DNAH3: variants seen among roughly 807,000 people sequenced by gnomAD.
DNAH3 encodes the protein dynein axonemal heavy chain 3.
A neutral mutation model predicts 432.5 loss-of-function variants in DNAH3; 332 were observed. That is an observed-to-expected ratio of 0.77 (90% confidence interval 0.70 to 0.84). The LOEUF is 0.84. Among genes scored for constraint, DNAH3 ranks in the 40% least tolerant of loss-of-function variants. The pLI, the probability that DNAH3 is intolerant of heterozygous loss-of-function variation, is 0.00. For missense variants in DNAH3, 4,861 were observed against 5,114.0 expected (o/e 0.95, Z 1.51); for synonymous variants, 1,956 against 1,900.2 (o/e 1.03, Z -0.76).
chr16:21,130,367 C>T (rs1454640469), intron 7 of DNAH3, among the ~76,000 whole-genome samples: 3 of 149,246 alleles, frequency 2.0e-5, no homozygotes, highest in Non-Finnish European at 3.0e-5. Flanking sequence ...AGTGCAGTGG[C>T]GATCTTGGCT....
At chr16:20,954,856 G>A (rs1238027263) in exon 55 of DNAH3, 1 of 1,614,136 alleles carries the variant, frequency 6.2e-7, no homozygotes, top group Admixed American at 1.7e-5. Flanking sequence ...CGGCGTGGAA[G>A]AAACAAAGGC....
chr16:21,008,259 T>C (rs1248025203), intron 41 of DNAH3, among the ~76,000 whole-genome samples: 1 of 152,174 alleles, frequency 6.6e-6, no homozygotes, highest in Admixed American at 6.5e-5. Flanking sequence ...TCTGATATAA[T>C]TGGGTAAATT....
intron 18 of DNAH3, 127 bp from the exon 19 acceptor site, chr16:21,087,187 G>A (rs2091406398): frequency 1.3e-6 from 1 of 776,684 alleles, no homozygotes. Context: ...AGGCTTTGAG[G>A]ATCTGAAACC....
chr16:20,948,749 T>G (rs1461967205), intron 56 of DNAH3, 112 bp from the exon 57 acceptor site: 2 of 1,191,258 alleles, frequency 1.7e-6, no homozygotes, highest in Non-Finnish European at 2.4e-6. Context: ...TGGGACATAG[T>G]GATAGGGACA....
chr16:21,098,686 T>A, exon 17 of DNAH3: 1 of 1,613,992 alleles, frequency 6.2e-7, no homozygotes, highest in Non-Finnish European at 8.5e-7. Context: ...GTGCTTCATT[T>A]CTTCTGTAGT....
intron 36 of DNAH3, among the ~76,000 whole-genome samples, chr16:21,033,278 G>A (rs1360640010): frequency 6.6e-6 from 1 of 152,152 alleles, no homozygotes; most frequent in African/African-American, 2.4e-5. Flanking sequence ...TGCACGAAAA[G>A]GAAATGCTTT....
At chr16:20,979,188 T>C in intron 50 of DNAH3, 142 bp downstream of exon 50, 1 of 681,568 alleles carries the variant, frequency 1.5e-6, no homozygotes. Context: ...ATTACAGTGA[T>C]GTAGGTAAGG....
chr16:21,045,747 G>A (rs2089665608), intron 31 of DNAH3, among the ~76,000 whole-genome samples: 1 of 151,566 alleles, frequency 6.6e-6, no homozygotes, highest in Non-Finnish European at 1.5e-5. Context: ...TGCTTTTCTA[G>A]TTCTTTTAAT....
At chr16:21,034,268 T>C (rs112551968) in intron 35 of DNAH3, among the ~76,000 whole-genome samples, 183 bp from the exon 36 acceptor site, 19 of 152,318 alleles carry the variant, frequency 1.2e-4, no homozygotes, top group African/African-American at 3.8e-4. Context: ...AAAAAATATA[T>C]GTGTGTGTCT....
chr16:21,147,632 GA>G (rs2092802186), intron 1 of DNAH3, among the ~76,000 whole-genome samples: 1 of 152,174 alleles, frequency 6.6e-6, no homozygotes, highest in Admixed American at 6.6e-5. Context: ...CCTGCGAAAA[GA>G]AAAAGTGTTA....
chr16:20,953,550 G>C (rs2084415210), intron 55 of DNAH3, among the ~76,000 whole-genome samples: 1 of 151,176 alleles, frequency 6.6e-6, no homozygotes, highest in South Asian at 2.1e-4. Flanking sequence ...AGCATGACTG[G>C]CAGTTAGTTG....
intron 21 of DNAH3, among the ~76,000 whole-genome samples, chr16:21,072,078 G>A (rs540165340): frequency 1.3e-5 from 2 of 152,214 alleles, no homozygotes; most frequent in South Asian, 2.1e-4. Context: ...AGTTGTTAGA[G>A]CATAAATCCT....
At chr16:20,964,530 C>A (rs747689443) in exon 53 of DNAH3, 3 of 1,614,038 alleles carry the variant, frequency 1.9e-6, no homozygotes, top group Non-Finnish European at 2.5e-6. Flanking sequence ...CTAACTGCAG[C>A]GCGTTTTCCA....
At chr16:20,989,344 G>A (rs2086416172) in intron 44 of DNAH3, among the ~76,000 whole-genome samples, 2 of 151,632 alleles carry the variant, frequency 1.3e-5, no homozygotes, top group Admixed American at 6.6e-5. Context: ...AGTGTTGATT[G>A]GTGCACTCAC....
chr16:21,089,980 A>G (rs1197509321), intron 18 of DNAH3, among the ~76,000 whole-genome samples: 1 of 152,136 alleles, frequency 6.6e-6, no homozygotes, highest in Non-Finnish European at 1.5e-5. Flanking sequence ...TATCAAAAAT[A>G]AAAGATGGGA....
chr16:20,988,882 G>A lies in DNAH3; in HGVS notation c.6602-817C>T, dbSNP rs556890945. 1.2e-4 allele frequency among the ~76,000 whole-genome samples: 18 copies of A among 152,240 alleles called. 1 individual carries two copies. In the South Asian group the frequency reaches 3.1e-3, roughly 26 times the overall value. On this transcript the variant is annotated intron_variant, in intron 44 of 61. Transcript: ENST00000261383. Reference sequence around the variant, plus strand: ...ATCTCGCTGGCTCAGGAGTGAAGCTGCAGACCTTCGCGGTGAGTGTTACAG... The same window carrying A: ...ATCTCGCTGGCTCAGGAGTGAAGCTACAGACCTTCGCGGTGAGTGTTACAG...
intron 49 of DNAH3, among the ~76,000 whole-genome samples, chr16:20,980,294 C>CATCATATATTATAATATAT (rs1567572188): frequency 7.4e-5 from 10 of 135,568 alleles, no homozygotes; most frequent in East Asian, 2.1e-4. Context: ...TTATAATATA[C>CATCATATATTATAATATAT]ATCATATATT....
chr16:21,041,829 T>G (rs1221522791), intron 32 of DNAH3, among the ~76,000 whole-genome samples, 198 bp downstream of exon 32: 1 of 152,140 alleles, frequency 6.6e-6, no homozygotes. Flanking sequence ...CATGCCACCA[T>G]GCCCGGCTAA....
intron 5 of DNAH3, among the ~76,000 whole-genome samples, chr16:21,137,279 A>AT (rs1177317150): frequency 6.6e-6 from 1 of 151,052 alleles, no homozygotes; most frequent in Non-Finnish European, 1.5e-5. Context: ...AAAAAAAAAA[A>AT]GTAAAGGAAT....
Sources: gnomAD v4.1 joint callset for allele counts (sites outside exome capture counted in the v4.1 genomes callset) on GRCh38, gnomAD v4.1.1 for gene constraint, MANE v1.5 for transcripts, NCBI Gene and HGNC (gene_info 2026-07-23, HGNC 2026-07-21) for gene names.